The following MINDY2 variants were observed in gnomAD, a reference collection of about 807,000 sequenced individuals.
MINDY2 encodes ubiquitin carboxyl-terminal hydrolase MINDY-2.
In MINDY2, 52 loss-of-function variants were observed where a neutral mutation model predicts 68.2. That is an observed-to-expected ratio of 0.76 (90% CI 0.61 to 0.96). The LOEUF is 0.96. Among genes scored for constraint, MINDY2 ranks in the 40% least tolerant of loss-of-function variants. The pLI is 0.00. For synonymous variants in MINDY2, 372 were observed against 303.0 expected, an observed-to-expected ratio of 1.23 and a Z score of -2.36; for missense variants, 881 against 773.4, an observed-to-expected ratio of 1.14 and a Z score of -1.65.
intron 2 of MINDY2, among the ~76,000 whole-genome samples, chr15:58,799,699 GAGA>G (rs1193871832): frequency 7.2e-5 from 11 of 152,170 alleles, no homozygotes; most frequent in African/African-American, 2.7e-4. Context: ...AAGGTTAGAG[GAGA>G]AGAAGTGAAT....
At chr15:58,797,090 G>T (rs1240475176) in intron 2 of MINDY2, among the ~76,000 whole-genome samples, 1 of 152,162 alleles carries the variant, frequency 6.6e-6, no homozygotes, top group Admixed American at 6.5e-5. Context: ...AGTGTGAATT[G>T]AGATGTTCTG....
chr15:58,844,120 T>C (rs2032409007), intron 6 of MINDY2, among the ~76,000 whole-genome samples: 1 of 152,190 alleles, frequency 6.6e-6, no homozygotes, highest in South Asian at 2.1e-4. Flanking sequence ...AGTGCTGGAA[T>C]ATCAGTGCAA....
chr15:58,776,214 A>AGAGT (rs1900761597), intron 1 of MINDY2, among the ~76,000 whole-genome samples: 1 of 152,190 alleles, frequency 6.6e-6, no homozygotes, highest in Non-Finnish European at 1.5e-5. Context: ...AATTCTCCAG[A>AGAGT]GAGTAGTGAG....
intron 1 of MINDY2, among the ~76,000 whole-genome samples, chr15:58,785,594 G>C (rs542700020): frequency 1.3e-5 from 2 of 152,120 alleles, no homozygotes; most frequent in Non-Finnish European, 2.9e-5. Flanking sequence ...CGGAGTTTCA[G>C]TTTAAAAATA....
Position 58,858,572 on chromosome 15 carries a change from G to C in MINDY2, c.*3962G>C, listed in dbSNP as rs1360184000. The C allele has an allele frequency of 1.3e-5, 2 of 152,018 alleles. No individual in the cohort carries two copies. Among genetic ancestry groups the C allele is most frequent in the African/African-American group, 4.8e-5 (2 of 41,398 alleles). 9.4% of individuals were successfully genotyped at this position (152,018 alleles called of 1,614,324 possible). A position where few individuals can be genotyped will look rare whatever the true frequency, so the allele number is the denominator to read the frequency against. ...ATGTGAACTACATATCTAAAATCTT[G>C]GAGAAAAATCAAGGCAAGAATTTCC... On this transcript the variant is annotated 3_prime_UTR_variant, in exon 9 of 9. Transcript: ENST00000559228.
intron 5 of MINDY2, among the ~76,000 whole-genome samples, chr15:58,824,208 C>G (rs1332595840): frequency 1.3e-5 from 2 of 152,142 alleles, no homozygotes; most frequent in African/African-American, 4.8e-5. Context: ...AAATCAGTTC[C>G]TTCATTACTT....
At chr15:58,783,837 T>G (rs868368450) in intron 1 of MINDY2, among the ~76,000 whole-genome samples, 29 of 152,174 alleles carry the variant, frequency 1.9e-4, no homozygotes, top group African/African-American at 6.0e-4. Context: ...CCCAGCTATG[T>G]GGGAGGTGGA....
At position 58,843,832 on chromosome 15, in the gene MINDY2, C is replaced by CAAA. The variant is rs34999651; in HGVS notation, c.1369-3444_1369-3442dup. 8.2e-3 allele frequency among the ~76,000 whole-genome samples: 692 copies of CAAA among 84,168 alleles called. 22 individuals carry two copies. The highest frequency in any genetic ancestry group is 0.043 in the Middle Eastern group (6 of 138). The allele number at this position is 84,168 out of a possible 152,430, so 55.2% of individuals were successfully genotyped here. A position where few individuals can be genotyped will look rare whatever the true frequency, so the allele number is the denominator to read the frequency against. Reference sequence around the variant, plus strand: ...TGGGCAACAGAGTGAGACTCTGTCTCAAAAAAAAAAAAAAAAAAAAAAATC... The same window carrying CAAA: ...TGGGCAACAGAGTGAGACTCTGTCTCAAAAAAAAAAAAAAAAAAAAAAAAAATC... On this transcript the variant is annotated intron_variant, in intron 6 of 8. Coordinates refer to ENST00000559228, the MANE Select transcript of MINDY2 (RefSeq NM_001040450.3).
At chr15:58,822,270 A>G (rs1340437966) in intron 5 of MINDY2, among the ~76,000 whole-genome samples, 1 of 151,912 alleles carries the variant, frequency 6.6e-6, no homozygotes, top group Non-Finnish European at 1.5e-5. Flanking sequence ...AAAAAAGAAG[A>G]AGAAGTAATC....
In MINDY2 at chr15:58,799,138, A is replaced by G. The variant is rs113657074; in HGVS notation, c.899-3175A>G. ...GAATGATGTAGGCAAAGAAATTCTG[A>G]AGGCTCTGCCTCACCAAAAGTAAAC... On this transcript the variant is annotated intron_variant, in intron 2 of 8. Coordinates refer to ENST00000559228, the MANE Select transcript of MINDY2 (RefSeq NM_001040450.3). 6.9e-3 allele frequency among the ~76,000 whole-genome samples: 1,046 copies of G among 152,316 alleles called. 13 individuals are homozygous for G. The highest frequency in any genetic ancestry group is 0.024 in the African/African-American group (1,003 of 41,568).
rs1204208230 is a variant in MINDY2, at chr15:58,859,883, T to C, written c.*5273T>C. 6.6e-6 allele frequency: 1 copy of C among 152,172 alleles called. No homozygotes were observed. The highest frequency in any genetic ancestry group is 1.5e-5 in the Non-Finnish European group (1 of 68,018). The allele number at this position is 152,172 out of a possible 1,614,324, so 9.4% of individuals were successfully genotyped here. ...ATTAAACTTGAAAAACGGGGTAAAA[T>C]TCTTCAACTATTGCCTCAAGTTCAG... is the stretch of plus-strand genomic sequence containing the variant. On this transcript the variant is annotated 3_prime_UTR_variant, in exon 9 of 9. Transcript: ENST00000559228.
At chr15:58,852,279 C>T (rs1407227561) in intron 8 of MINDY2, among the ~76,000 whole-genome samples, 3 of 7,394 alleles carry the variant, frequency 4.1e-4, no homozygotes, top group African/African-American at 5.5e-4. Context: ...TAGAGCAAGA[C>T]TCCTTCTCAA....
intron 1 of MINDY2, among the ~76,000 whole-genome samples, chr15:58,773,686 A>G (rs757045521): frequency 2.6e-5 from 4 of 151,994 alleles, no homozygotes; most frequent in Non-Finnish European, 4.4e-5. Context: ...TCTTGAACCA[A>G]TCTTTTTTTT....
intron 1 of MINDY2, among the ~76,000 whole-genome samples, chr15:58,786,678 G>A (rs1457528131): frequency 6.6e-6 from 1 of 152,074 alleles, no homozygotes; most frequent in Non-Finnish European, 1.5e-5. Context: ...AAACATCATT[G>A]GAACTACTAT....
At chr15:58,777,121 T>C (rs1248549184) in intron 1 of MINDY2, among the ~76,000 whole-genome samples, 1 of 152,196 alleles carries the variant, frequency 6.6e-6, no homozygotes, top group Non-Finnish European at 1.5e-5. Context: ...AATTGAGGTT[T>C]TCTTTAAAAA....
At chr15:58,850,844 C>G (rs1405182364) in intron 7 of MINDY2, among the ~76,000 whole-genome samples, 1 of 152,168 alleles carries the variant, frequency 6.6e-6, no homozygotes, top group Non-Finnish European at 1.5e-5. Flanking sequence ...GCCTCAGCCT[C>G]CCAAAGTTCA....
chr15:58,791,048 C>T (rs553894208), intron 2 of MINDY2, among the ~76,000 whole-genome samples: 6 of 150,226 alleles, frequency 4.0e-5, no homozygotes, highest in East Asian at 3.9e-4. Flanking sequence ...GGAGTGGTGG[C>T]GGGCACGTGT....
chr15:58,824,712 C>G (rs2031282358), intron 5 of MINDY2, among the ~76,000 whole-genome samples: 1 of 150,600 alleles, frequency 6.6e-6, no homozygotes, highest in South Asian at 2.1e-4. Flanking sequence ...CTCTGTCACC[C>G]AGGCTGGAGT....
chr15:58,800,247 T>TCTTTC (rs1902552996), intron 2 of MINDY2, among the ~76,000 whole-genome samples: 1 of 152,238 alleles, frequency 6.6e-6, no homozygotes, highest in South Asian at 2.1e-4. Context: ...TTTTCTTAAT[T>TCTTTC]CTTTCCTTGA....
Sources: gnomAD v4.1 joint callset for allele counts (sites outside exome capture counted in the v4.1 genomes callset) on GRCh38, gnomAD v4.1.1 for gene constraint, MANE v1.5 for transcripts, NCBI Gene and HGNC (gene_info 2026-07-23, HGNC 2026-07-21) for gene names.